The following SLC14A2 variants were observed in gnomAD, a reference collection of about 807,000 sequenced individuals.
The protein encoded by SLC14A2 is solute carrier family 14 member 2.
Under a neutral mutation model 104.6 loss-of-function variants are expected in SLC14A2, and 91 were observed. The observed-to-expected ratio is 0.87, with a 90% CI of 0.73 to 1.04. SLC14A2 has a LOEUF of 1.04. SLC14A2 is among the 50% of genes least tolerant of loss of function. SLC14A2 has a pLI of 0.00. For synonymous variants in SLC14A2, 476 were observed against 466.4 expected (o/e 1.02, Z -0.27); for missense variants, 1,189 against 1,156.0 (o/e 1.03, Z -0.41).
chr18:45,230,178 C>T lies in SLC14A2; in HGVS notation c.-125+16987C>T, dbSNP rs564227268. On this transcript the variant is annotated intron_variant, in intron 1 of 20. Coordinates refer to the SLC14A2 transcript ENST00000586448. ...ATTGTGACTTCTCTCCTTGTTCCTC[C>T]TTTGTTACTTCGTGAGGTCTGTATT... is the stretch of plus-strand genomic sequence containing the variant. Among the ~76,000 whole-genome samples, 5 of 152,298 alleles carry T rather than the reference C, an allele frequency of 3.3e-5. No individual in the cohort carries two copies. In the East Asian group the frequency reaches 9.6e-4, roughly 29 times the overall value.
chr18:45,581,165 C>G (rs1435146521), intron 2 of SLC14A2, among the ~76,000 whole-genome samples: 1 of 152,026 alleles, frequency 6.6e-6, no homozygotes, highest in African/African-American at 2.4e-5. Context: ...CAGTGATTGT[C>G]TAGAGTGGAT....
chr18:45,669,268 G>A lies in SLC14A2; in HGVS notation c.2037-38G>A, dbSNP rs41307023. 11,626 of 1,562,038 alleles carry A rather than the reference G, an allele frequency of 7.4e-3. 59 individuals carry two copies. The highest frequency in any genetic ancestry group is 9.0e-3 in the Non-Finnish European group (10,256 of 1,143,386). ...GCACAGTCTAGTGTTATGACCAGGC[G>A]GCTTCCTGACCAGCATCTCTCATGC... On this transcript the variant is annotated intron_variant, in intron 15 of 19. Coordinates refer to ENST00000255226, the MANE Select transcript of SLC14A2 (RefSeq NM_007163.4).
rs536096849 is a variant in SLC14A2, at chr18:45,610,165, T to C, written c.-34-14466T>C. 2.5e-4 allele frequency among the ~76,000 whole-genome samples: 38 copies of C among 152,250 alleles called. 1 individual carries two copies. The South Asian group carries it at 7.3e-3, about 29-fold the overall frequency. Reference sequence around the variant, plus strand: ...CCCCTGAGAAGCCTGTGTGCAGACCTGAGTGAGCCCAGGAATCACCTAAGG... The same window carrying C: ...CCCCTGAGAAGCCTGTGTGCAGACCCGAGTGAGCCCAGGAATCACCTAAGG... On this transcript the variant is annotated intron_variant, in intron 2 of 20. Transcript: ENST00000586448.
chr18:45,679,156 T>A, intron 19 of SLC14A2, 132 bp downstream of exon 19: 1 of 812,022 alleles, frequency 1.2e-6, no homozygotes, highest in Non-Finnish European at 2.0e-6. Context: ...CAAGTCACAC[T>A]ACTCACTTCA....
intron 2 of SLC14A2, among the ~76,000 whole-genome samples, chr18:45,625,059 A>C (rs2045237493): frequency 6.6e-6 from 1 of 152,152 alleles, no homozygotes; most frequent in African/African-American, 2.4e-5. Context: ...TCAGTCTCTA[A>C]AATCTTTCCC....
intron 1 of SLC14A2, among the ~76,000 whole-genome samples, chr18:45,326,797 A>G (rs2085238988): frequency 6.6e-6 from 1 of 152,072 alleles, no homozygotes; most frequent in Non-Finnish European, 1.5e-5. Flanking sequence ...CCTTCCCCCA[A>G]TTCCTGTCCA....
chr18:45,648,491 C>T (rs1352141789), intron 10 of SLC14A2, among the ~76,000 whole-genome samples: 7 of 152,166 alleles, frequency 4.6e-5, no homozygotes, highest in African/African-American at 1.7e-4. Context: ...AGGCATGAGC[C>T]ACCACGCCCG....
At chr18:45,490,729 C>CA (rs1335310514) in intron 2 of SLC14A2, among the ~76,000 whole-genome samples, 16 of 152,014 alleles carry the variant, frequency 1.1e-4, no homozygotes, top group Non-Finnish European at 2.1e-4. Context: ...GGTTAATCTC[C>CA]AAAAATGTGT....
chr18:45,461,261 A>T (rs1040383663), intron 1 of SLC14A2, among the ~76,000 whole-genome samples: 2 of 152,192 alleles, frequency 1.3e-5, no homozygotes, highest in African/African-American at 4.8e-5. Flanking sequence ...GAAAACTTGC[A>T]TTGGGGAAAG....
chr18:45,636,689 TA>T (rs1260308804), intron 5 of SLC14A2, among the ~76,000 whole-genome samples: 1 of 152,246 alleles, frequency 6.6e-6, no homozygotes, highest in Non-Finnish European at 1.5e-5. Flanking sequence ...ATATTTCCAC[TA>T]TTTTATAAAG....
intron 1 of SLC14A2, among the ~76,000 whole-genome samples, chr18:45,452,742 G>A (rs2086877658): frequency 6.6e-6 from 1 of 152,216 alleles, no homozygotes; most frequent in Non-Finnish European, 1.5e-5. Flanking sequence ...TCAAAGCCAT[G>A]AGGGGCTAAG....
chr18:45,585,037 G>A (rs977537112), intron 2 of SLC14A2, among the ~76,000 whole-genome samples: 22 of 152,146 alleles, frequency 1.4e-4, no homozygotes, highest in Non-Finnish European at 8.8e-5. Context: ...CAGTCCAGAT[G>A]ACCAGTGGAA....
At chr18:45,346,268 A>G (rs965148143) in intron 1 of SLC14A2, among the ~76,000 whole-genome samples, 21 of 152,046 alleles carry the variant, frequency 1.4e-4, no homozygotes, top group African/African-American at 4.3e-4. Context: ...CAATTCTCCC[A>G]CCTCAGCCTC....
chr18:45,364,990 CAT>C (rs892002387), intron 1 of SLC14A2, among the ~76,000 whole-genome samples: 8 of 152,158 alleles, frequency 5.3e-5, no homozygotes, highest in Non-Finnish European at 8.8e-5. Context: ...TTTGGGGGGT[CAT>C]AGAATTCTCT....
In SLC14A2 at chr18:45,667,904, C is replaced by A. The variant is rs770453484; in HGVS notation, c.1789C>A (p.Pro597Thr). 6.2e-7 allele frequency: 1 copy of A among 1,614,092 alleles called. No homozygotes were observed. The highest frequency in any genetic ancestry group is 8.5e-7 in the Non-Finnish European group (1 of 1,179,972). Residue 597 changes from proline to threonine, a missense_variant, in exon 14 of 20, where the codon CCC becomes ACC. By Grantham distance (38) the Pro-to-Thr change is conservative. Coordinates refer to ENST00000255226, the MANE Select transcript of SLC14A2 (RefSeq NM_007163.4). ...GTSQVMFVNN[P>T]LSGILIILGL... is the part of the protein sequence containing the mutation. The stretch of plus-strand genomic sequence containing the variant: ...ATCTCAAGTGATGTTTGTGAACAAC[C>A]CCCTCAGCGGCATCCTCATCATCCT...
At chr18:45,474,357 G>T (rs1005367091) in intron 1 of SLC14A2, among the ~76,000 whole-genome samples, 1 of 152,118 alleles carries the variant, frequency 6.6e-6, no homozygotes, top group Non-Finnish European at 1.5e-5. Context: ...TTGTGTGTCT[G>T]CCAGGTTTTG....
chr18:45,202,756 T>C, the SLC14A2 span, among the ~76,000 whole-genome samples: 1 of 152,068 alleles, frequency 6.6e-6, no homozygotes, highest in Non-Finnish European at 1.5e-5. Context: ...CTGAGTTTCA[T>C]CATAAAGTAT....
At chr18:45,676,801 T>C (rs1418479119) in intron 18 of SLC14A2, among the ~76,000 whole-genome samples, 1 of 152,118 alleles carries the variant, frequency 6.6e-6, no homozygotes, top group Non-Finnish European at 1.5e-5. Flanking sequence ...AATATCCCCA[T>C]TTCACAGATG....
intron 1 of SLC14A2, among the ~76,000 whole-genome samples, chr18:45,477,543 G>A (rs574713601): frequency 3.2e-4 from 49 of 152,272 alleles, no homozygotes; most frequent in Middle Eastern, 3.4e-3. Context: ...CTTCAGAGTC[G>A]GCAGGCAGGA....
Sources: gnomAD v4.1 joint callset for allele counts (sites outside exome capture counted in the v4.1 genomes callset) on GRCh38, gnomAD v4.1.1 for gene constraint, MANE v1.5 for transcripts, NCBI Gene and HGNC (gene_info 2026-07-23, HGNC 2026-07-21) for gene names.